PKIB: variants seen among roughly 807,000 people sequenced by gnomAD.
PKIB encodes PKI-beta.
Under a neutral mutation model 4.5 loss-of-function variants are expected in PKIB, and 2 were observed. That is an observed-to-expected ratio of 0.44 (90% CI 0.18 to 1.39). The LOEUF is 1.39. Ranked by LOEUF, PKIB falls within the 40% of genes most tolerant of loss-of-function variation. The pLI, the probability that PKIB is intolerant of heterozygous loss-of-function variation, is 0.27. For synonymous variants in PKIB, 38 were observed against 36.0 expected (o/e 1.06, Z -0.20); for missense variants, 94 against 92.6 (o/e 1.02, Z -0.06).
chr6:122,603,679 C>T (rs924038795), intron 3 of PKIB, among the ~76,000 whole-genome samples: 2 of 152,068 alleles, frequency 1.3e-5, no homozygotes, highest in Non-Finnish European at 2.9e-5. Context: ...TGGGGTTTTG[C>T]CACGTTGGCC....
intron 2 of PKIB, among the ~76,000 whole-genome samples, chr6:122,534,383 AAAG>A (rs1001854840): frequency 1.3e-5 from 2 of 151,874 alleles, no homozygotes; most frequent in African/African-American, 4.8e-5. Flanking sequence ...TTTATGAGGT[AAAG>A]AAGAATTGGT....
At chr6:122,695,931 A>G (rs1022089741) in intron 3 of PKIB, among the ~76,000 whole-genome samples, 6 of 152,166 alleles carry the variant, frequency 3.9e-5, no homozygotes, top group Non-Finnish European at 5.9e-5. Flanking sequence ...CATGTACAAT[A>G]TATATTAATA....
intron 3 of PKIB, among the ~76,000 whole-genome samples, chr6:122,685,627 C>T (rs1778063749): frequency 6.6e-6 from 1 of 152,072 alleles, no homozygotes; most frequent in Non-Finnish European, 1.5e-5. Context: ...GCATCCATTA[C>T]CTCAAACATT....
Position 122,545,818 on chromosome 6 carries a change from A to G in PKIB, c.-247-40103A>G, listed in dbSNP as rs1394015533. On this transcript the variant is annotated intron_variant, in intron 2 of 6. Coordinates refer to the PKIB transcript ENST00000392491. ...AAGTTGGAAAGAAAATAAATGAATAAATAAAGGCTTTCCATCATGTGAAAA... is the reference window on the plus strand; with the variant it reads ...AAGTTGGAAAGAAAATAAATGAATAGATAAAGGCTTTCCATCATGTGAAAA... 5.9e-5 allele frequency among the ~76,000 whole-genome samples: 9 copies of G among 151,448 alleles called. No individual in the cohort carries two copies. In the East Asian group the frequency reaches 1.6e-3, roughly 27 times the overall value.
chr6:122,596,848 C>T (rs1774194285), intron 3 of PKIB, among the ~76,000 whole-genome samples: 1 of 152,202 alleles, frequency 6.6e-6, no homozygotes, highest in South Asian at 2.1e-4. Flanking sequence ...GGACCTGTTG[C>T]AGAGCCTTCT....
intron 2 of PKIB, among the ~76,000 whole-genome samples, chr6:122,543,413 G>A (rs1489354314): frequency 6.8e-6 from 1 of 146,226 alleles, no homozygotes; most frequent in African/African-American, 2.6e-5. Flanking sequence ...TGCCTGGAGT[G>A]CACTCTTGTA....
At chr6:122,540,699 GC>G (rs1777568833) in intron 2 of PKIB, among the ~76,000 whole-genome samples, 1 of 152,040 alleles carries the variant, frequency 6.6e-6, no homozygotes, top group African/African-American at 2.4e-5. Flanking sequence ...AATTAGGTCT[GC>G]TTGGTGCAGA....
At chr6:122,585,073 ACTGCAGGACTGCC>A (rs879544969) in intron 2 of PKIB, among the ~76,000 whole-genome samples, 57 of 152,126 alleles carry the variant, frequency 3.7e-4, no homozygotes, top group Non-Finnish European at 7.1e-4. Flanking sequence ...TATACATATG[ACTGCAGGACTGCC>A]TCTGAGCTGC....
At chr6:122,496,657 A>G (rs1167081975) in intron 2 of PKIB, among the ~76,000 whole-genome samples, 1 of 152,188 alleles carries the variant, frequency 6.6e-6, no homozygotes, top group Non-Finnish European at 1.5e-5. Context: ...ATTCTTTTAA[A>G]CTAATCCAGT....
intron 1 of PKIB, among the ~76,000 whole-genome samples, chr6:122,623,796 G>GT (rs1326819260): frequency 1.3e-5 from 2 of 151,536 alleles, no homozygotes; most frequent in African/African-American, 2.4e-5. Context: ...GAACAATTAA[G>GT]TTTTTTTCTA....
At chr6:122,561,433 T>G (rs1390177739) in intron 2 of PKIB, among the ~76,000 whole-genome samples, 1 of 152,068 alleles carries the variant, frequency 6.6e-6, no homozygotes, top group Non-Finnish European at 1.5e-5. Flanking sequence ...TTTTATTAAA[T>G]TTTTAAAATT....
chr6:122,552,683 C>A (rs1341893969), intron 2 of PKIB, among the ~76,000 whole-genome samples: 1 of 152,150 alleles, frequency 6.6e-6, no homozygotes, highest in Non-Finnish European at 1.5e-5. Flanking sequence ...CAACCCATCT[C>A]AGGCAGTTCT....
intron 2 of PKIB, among the ~76,000 whole-genome samples, chr6:122,524,610 C>T (rs192096720): frequency 6.6e-6 from 1 of 152,172 alleles, no homozygotes; most frequent in African/African-American, 2.4e-5. Context: ...TTTTCCTGGG[C>T]TTCTCTTTAT....
At chr6:122,665,428 T>G (rs1289302456) in intron 2 of PKIB, among the ~76,000 whole-genome samples, 1 of 152,208 alleles carries the variant, frequency 6.6e-6, no homozygotes, top group Non-Finnish European at 1.5e-5. Context: ...TAAAAGCATC[T>G]AAATCTGCAG....
At chr6:122,542,329 C>T (rs1048653402) in intron 2 of PKIB, among the ~76,000 whole-genome samples, 24 of 151,990 alleles carry the variant, frequency 1.6e-4, no homozygotes, top group Non-Finnish European at 3.4e-4. Context: ...TACTTTTGGT[C>T]TTTGATGATG....
intron 2 of PKIB, among the ~76,000 whole-genome samples, chr6:122,500,586 G>T: frequency 6.6e-6 from 1 of 152,150 alleles, no homozygotes. Flanking sequence ...AGAGGATTAA[G>T]AACTTACCCC....
intron 3 of PKIB, among the ~76,000 whole-genome samples, chr6:122,715,981 C>A (rs1779476554): frequency 6.6e-6 from 1 of 152,098 alleles, no homozygotes; most frequent in Non-Finnish European, 1.5e-5. Flanking sequence ...TTCAGTACCT[C>A]ATGGGATTAT....
chr6:122,715,649 G>GTATATATATATATATA (rs138034261), intron 3 of PKIB, among the ~76,000 whole-genome samples: 9 of 146,852 alleles, frequency 6.1e-5, no homozygotes, highest in African/African-American at 2.0e-4. Flanking sequence ...GGTATTTTAT[G>GTATATATATATATATA]TATATATATA....
chr6:122,678,933 G>A (rs905500533), intron 3 of PKIB, among the ~76,000 whole-genome samples: 3 of 152,210 alleles, frequency 2.0e-5, no homozygotes, highest in Non-Finnish European at 4.4e-5. Flanking sequence ...AATAAGGCTG[G>A]TGTCAGCATG....
Sources: allele counts gnomAD v4.1 joint callset (sites outside exome capture counted in the v4.1 genomes callset), GRCh38; gene constraint gnomAD v4.1.1; transcripts MANE v1.5; gene names NCBI Gene and HGNC (gene_info 2026-07-23, HGNC 2026-07-21).